The following SGCZ variants were observed in gnomAD, a reference collection of about 807,000 sequenced individuals.
The protein encoded by SGCZ is sarcoglycan zeta.
A neutral mutation model predicts 41.3 loss-of-function variants in SGCZ; 40 were observed. That is an observed-to-expected ratio of 0.97 (90% CI 0.75 to 1.26). SGCZ has a LOEUF of 1.26. Ranked by LOEUF, SGCZ falls within the 50% of genes most tolerant of loss-of-function variation. The probability of loss-of-function intolerance (pLI) is 0.00; values close to 1 mark genes in which losing one functional copy is unlikely to be tolerated. For missense variants in SGCZ, 552 were observed against 369.8 expected, an observed-to-expected ratio of 1.49 and a Z score of -4.04; for synonymous variants, 206 against 137.5, an observed-to-expected ratio of 1.50 and a Z score of -3.49.
At chr8:14,911,134 T>C (rs1799270465) in intron 1 of SGCZ, among the ~76,000 whole-genome samples, 1 of 152,106 alleles carries the variant, frequency 6.6e-6, no homozygotes, top group Non-Finnish European at 1.5e-5. Flanking sequence ...ATCTCAGGTT[T>C]AGTTTTCACC....
chr8:14,843,199 G>A (rs1242018695), intron 1 of SGCZ, among the ~76,000 whole-genome samples: 2 of 152,080 alleles, frequency 1.3e-5, no homozygotes, highest in African/African-American at 2.4e-5. Flanking sequence ...GCAACAAAGT[G>A]AGAGTTGGTT....
intron 1 of SGCZ, among the ~76,000 whole-genome samples, chr8:15,024,769 T>C (rs1803385955): frequency 6.6e-6 from 1 of 151,902 alleles, no homozygotes; most frequent in Admixed American, 6.6e-5. Context: ...ACCCCATCTC[T>C]ACTAAAAATA....
intron 6 of SGCZ, among the ~76,000 whole-genome samples, chr8:14,103,619 G>T (rs1279907843): frequency 1.3e-5 from 2 of 151,782 alleles, no homozygotes; most frequent in South Asian, 4.2e-4. Flanking sequence ...AGTAGAGCCA[G>T]CATTGAGAAG....
chr8:14,579,559 C>G (rs1804818656), intron 1 of SGCZ, among the ~76,000 whole-genome samples: 2 of 152,130 alleles, frequency 1.3e-5, no homozygotes, highest in African/African-American at 4.8e-5. Context: ...AAATTTTATA[C>G]AAATATGGCA....
chr8:14,497,519 T>G (rs545918316), intron 2 of SGCZ, among the ~76,000 whole-genome samples: 1 of 152,078 alleles, frequency 6.6e-6, no homozygotes, highest in African/African-American at 2.4e-5. Flanking sequence ...CAACACAAAT[T>G]TGTAAGCTTT....
chr8:14,146,394 C>T lies in SGCZ; in HGVS notation c.547+18186G>A, dbSNP rs572825478. ...AAAACTTCCCCAGACAAACTAAAGC[C>T]GAGGGATTTCATCAACATCAGCTCT... On this transcript the variant is annotated intron_variant, in intron 5 of 7. Coordinates refer to ENST00000382080, the MANE Select transcript of SGCZ (RefSeq NM_139167.4). Among the ~76,000 whole-genome samples, 737 of 152,080 alleles carry T rather than the reference C, an allele frequency of 4.8e-3. 4 individuals carry two copies. Among genetic ancestry groups the T allele is most frequent in the Non-Finnish European group, 8.5e-3 (577 of 68,002 alleles).
At position 14,961,807 on chromosome 8, in the gene SGCZ, G is replaced by C. The variant is rs577789412; in HGVS notation, c.39+275778C>G. Among the ~76,000 whole-genome samples, 54 of 152,140 alleles carry C rather than the reference G, an allele frequency of 3.5e-4. 1 individual carries two copies. Among genetic ancestry groups the C allele is most frequent in the African/African-American group, 1.2e-3 (49 of 41,520 alleles). On this transcript the variant is annotated intron_variant, in intron 1 of 7. Coordinates refer to ENST00000382080, the MANE Select transcript of SGCZ (RefSeq NM_139167.4). ...ACCCCACAAGTAGTGTAAGCAGTTGGGTAGTACAGGATCACTCAACAGACA... is the reference window on the plus strand; with the variant it reads ...ACCCCACAAGTAGTGTAAGCAGTTGCGTAGTACAGGATCACTCAACAGACA...
chr8:14,780,198 C>A (rs1800545151), intron 1 of SGCZ, among the ~76,000 whole-genome samples: 1 of 151,868 alleles, frequency 6.6e-6, no homozygotes. Flanking sequence ...CACGGTGAAA[C>A]CCCGTCCCTA....
At chr8:14,775,081 T>G (rs1472110228) in intron 1 of SGCZ, among the ~76,000 whole-genome samples, 1 of 152,144 alleles carries the variant, frequency 6.6e-6, no homozygotes, top group Non-Finnish European at 1.5e-5. Flanking sequence ...ATTGCACTAA[T>G]AAAACTAAAC....
chr8:14,347,055 G>T (rs1239612901), intron 2 of SGCZ, among the ~76,000 whole-genome samples: 1 of 151,866 alleles, frequency 6.6e-6, no homozygotes, highest in South Asian at 2.1e-4. Context: ...TCCTTAATCA[G>T]CCATAGAGAA....
intron 1 of SGCZ, among the ~76,000 whole-genome samples, chr8:15,034,921 C>T (rs1057267453): frequency 4.6e-5 from 7 of 152,104 alleles, no homozygotes; most frequent in Non-Finnish European, 8.8e-5. Flanking sequence ...TGAAGTAATT[C>T]AGTACCATCG....
chr8:14,798,411 T>C (rs1191152411), intron 1 of SGCZ, among the ~76,000 whole-genome samples: 2 of 152,200 alleles, frequency 1.3e-5, no homozygotes, highest in Non-Finnish European at 1.5e-5. Flanking sequence ...ATTTTATAGA[T>C]GCCATTCTCT....
chr8:14,396,094 T>G (rs779677498), intron 2 of SGCZ, among the ~76,000 whole-genome samples: 4 of 152,172 alleles, frequency 2.6e-5, no homozygotes, highest in African/African-American at 4.8e-5. Context: ...TCCCTCTTCT[T>G]GGCAATACTT....
rs556153891 is a variant in SGCZ, at chr8:14,445,658, G to C, written c.234+109074C>G. 6.4e-4 allele frequency among the ~76,000 whole-genome samples: 98 copies of C among 152,242 alleles called. 1 individual carries two copies. Among genetic ancestry groups the C allele is most frequent in the African/African-American group, 2.3e-3 (96 of 41,550 alleles). Reference sequence around the variant, plus strand: ...CTCATTATCCTTGGACATCGAACAAGAGCTCAGGACACATTGACTGTGGGT... The same window carrying C: ...CTCATTATCCTTGGACATCGAACAACAGCTCAGGACACATTGACTGTGGGT... On this transcript the variant is annotated intron_variant, in intron 2 of 7. Coordinates refer to ENST00000382080, the MANE Select transcript of SGCZ (RefSeq NM_139167.4).
chr8:14,927,845 G>C (rs1180059458), intron 1 of SGCZ, among the ~76,000 whole-genome samples: 1 of 152,066 alleles, frequency 6.6e-6, no homozygotes, highest in African/African-American at 2.4e-5. Context: ...AATACATATA[G>C]TACCAAGATT....
rs550506994 is a variant in SGCZ, at chr8:14,880,358, C to A, written c.40-325432G>T. ...GAACACTTTTACACTGTTGGTGGGA[C>A]TGTAAACTAGTTCAACCATTGTGGA... is the stretch of plus-strand genomic sequence containing the variant. On this transcript the variant is annotated intron_variant, in intron 1 of 7. Coordinates refer to ENST00000382080, the MANE Select transcript of SGCZ (RefSeq NM_139167.4). Among the ~76,000 whole-genome samples, 16 of 152,268 alleles carry A rather than the reference C, an allele frequency of 1.1e-4. No individual in the cohort carries two copies. The East Asian group carries it at 1.9e-3, about 18-fold the overall frequency.
intron 4 of SGCZ, among the ~76,000 whole-genome samples, chr8:14,223,687 C>T (rs1451162163): frequency 6.6e-6 from 1 of 152,076 alleles, no homozygotes; most frequent in Non-Finnish European, 1.5e-5. Context: ...CTCATGAATG[C>T]CATGACCCAC....
chr8:14,797,875 A>T (rs1190540739), intron 1 of SGCZ, among the ~76,000 whole-genome samples: 4 of 152,224 alleles, frequency 2.6e-5, no homozygotes, highest in African/African-American at 4.8e-5. Flanking sequence ...CGTAGGGTGA[A>T]AACCCCAAGC....
At chr8:15,177,260 T>G (rs1800028628) in intron 1 of SGCZ, among the ~76,000 whole-genome samples, 1 of 152,160 alleles carries the variant, frequency 6.6e-6, no homozygotes, top group Non-Finnish European at 1.5e-5. Context: ...TAGATGTTCC[T>G]CAGATGGTCG....
Sources: allele counts gnomAD v4.1 joint callset (sites outside exome capture counted in the v4.1 genomes callset), GRCh38; gene constraint gnomAD v4.1.1; transcripts MANE v1.5; gene names NCBI Gene and HGNC (gene_info 2026-07-23, HGNC 2026-07-21).